TACR3: variants seen among roughly 807,000 people sequenced by gnomAD.
TACR3 encodes tachykinin receptor 3, also known as neuromedin-K receptor.
Under a neutral mutation model 35.0 loss-of-function variants are expected in TACR3, and 34 were observed. The ratio of observed to expected loss-of-function variants is 0.97; its 90% CI spans 0.74 to 1.30. TACR3 has a LOEUF of 1.30. Among genes scored for constraint, TACR3 ranks in the 50% most tolerant of loss-of-function variants. The pLI is 0.00. For missense variants in TACR3, 558 were observed against 591.7 expected (o/e 0.94, Z 0.59); for synonymous variants, 233 against 221.1 (o/e 1.05, Z -0.48).
At chr4:103,662,586 G>A (rs1315943803) in intron 1 of TACR3, among the ~76,000 whole-genome samples, 1 of 152,088 alleles carries the variant, frequency 6.6e-6, no homozygotes, top group African/African-American at 2.4e-5. Flanking sequence ...CCAACACCCA[G>A]TATCACAGAC....
At chr4:103,617,749 A>C (rs114779046) in intron 3 of TACR3, among the ~76,000 whole-genome samples, 103 of 152,310 alleles carry the variant, frequency 6.8e-4, no homozygotes, top group Non-Finnish European at 1.3e-3. Flanking sequence ...AAAAACAAGC[A>C]AGAAAATGTA....
At chr4:103,694,066 T>G (rs1272949850) in intron 1 of TACR3, among the ~76,000 whole-genome samples, 2 of 152,136 alleles carry the variant, frequency 1.3e-5, no homozygotes, top group Non-Finnish European at 2.9e-5. Flanking sequence ...ATTAAAAATT[T>G]TTTTCTTTCT....
At chr4:103,656,077 T>A (rs1474056575) in intron 3 of TACR3, 117 bp downstream of exon 3, 9 of 1,309,602 alleles carry the variant, frequency 6.9e-6, no homozygotes, top group Non-Finnish European at 8.6e-6. Flanking sequence ...AACAAAGACA[T>A]TAAAAACAGG....
intron 3 of TACR3, among the ~76,000 whole-genome samples, chr4:103,622,330 C>T (rs1005232048): frequency 1.3e-5 from 2 of 152,152 alleles, no homozygotes; most frequent in African/African-American, 4.8e-5. Context: ...TAAAATAGGT[C>T]ATGGTTCAGA....
intron 3 of TACR3, among the ~76,000 whole-genome samples, chr4:103,616,755 T>C (rs1724670035): frequency 6.6e-6 from 1 of 152,120 alleles, no homozygotes; most frequent in South Asian, 2.1e-4. Flanking sequence ...GAGACCAGCC[T>C]GAGCAACATA....
intron 1 of TACR3, among the ~76,000 whole-genome samples, chr4:103,709,792 A>C (rs1375642364): frequency 6.6e-6 from 1 of 152,126 alleles, no homozygotes; most frequent in Non-Finnish European, 1.5e-5. Context: ...CATAGGCTCA[A>C]AATAAAGGGA....
At chr4:103,679,289 G>T (rs1726238156) in intron 1 of TACR3, among the ~76,000 whole-genome samples, 1 of 151,978 alleles carries the variant, frequency 6.6e-6, no homozygotes, top group Admixed American at 6.6e-5. Flanking sequence ...TTTCTGAGTA[G>T]AACTGTGTGT....
At chr4:103,635,068 G>A (rs928013056) in intron 3 of TACR3, among the ~76,000 whole-genome samples, 1 of 151,880 alleles carries the variant, frequency 6.6e-6, no homozygotes, top group Non-Finnish European at 1.5e-5. Context: ...GATGTGCTGG[G>A]TCTGCGCATA....
intron 3 of TACR3, among the ~76,000 whole-genome samples, chr4:103,615,131 C>T (rs1385264874): frequency 6.6e-6 from 1 of 151,638 alleles, no homozygotes; most frequent in Non-Finnish European, 1.5e-5. Context: ...CTCCTGACCT[C>T]GTGATCCGCC....
intron 1 of TACR3, among the ~76,000 whole-genome samples, chr4:103,662,421 T>C (rs1725852558): frequency 6.6e-6 from 1 of 151,986 alleles, no homozygotes; most frequent in Non-Finnish European, 1.5e-5. Flanking sequence ...GGGTTTCCCA[T>C]ATTGGTTAGG....
At chr4:103,698,242 A>G (rs1261030946) in intron 1 of TACR3, among the ~76,000 whole-genome samples, 2 of 152,164 alleles carry the variant, frequency 1.3e-5, no homozygotes, top group Non-Finnish European at 2.9e-5. Context: ...TTTTGAAGGT[A>G]TAAAAGTCAA....
chr4:103,714,617 C>A (rs566574744), intron 1 of TACR3, among the ~76,000 whole-genome samples: 1 of 151,930 alleles, frequency 6.6e-6, no homozygotes, highest in Non-Finnish European at 1.5e-5. Flanking sequence ...TCATCATTTG[C>A]GGTAACTAGT....
At chr4:103,595,634 G>C (rs1723989172) in intron 3 of TACR3, among the ~76,000 whole-genome samples, 2 of 151,770 alleles carry the variant, frequency 1.3e-5, no homozygotes, top group Admixed American at 1.3e-4. Flanking sequence ...TTTGAGGTTT[G>C]GGTTGTAAAA....
intron 3 of TACR3, among the ~76,000 whole-genome samples, chr4:103,654,365 C>T (rs2110328498): frequency 6.6e-6 from 1 of 151,126 alleles, no homozygotes; most frequent in East Asian, 2.0e-4. Context: ...TACTATGCAG[C>T]CATAAAAAAT....
chr4:103,691,786 T>C (rs1722409528), intron 1 of TACR3, among the ~76,000 whole-genome samples: 1 of 152,246 alleles, frequency 6.6e-6, no homozygotes, highest in Admixed American at 6.5e-5. Context: ...GCATGAGCGA[T>C]CTGTGCCTTA....
At chr4:103,691,921 T>C (rs1014569700) in intron 1 of TACR3, among the ~76,000 whole-genome samples, 1 of 152,192 alleles carries the variant, frequency 6.6e-6, no homozygotes, top group Non-Finnish European at 1.5e-5. Flanking sequence ...AATGACTGGC[T>C]TGCTGTTAAT....
At chr4:103,628,396 T>A (rs545459833) in intron 3 of TACR3, among the ~76,000 whole-genome samples, 116 of 151,898 alleles carry the variant, frequency 7.6e-4, no homozygotes, top group African/African-American at 2.7e-3. Context: ...GATGATAGAC[T>A]GCTAGCAAGA....
intron 1 of TACR3, among the ~76,000 whole-genome samples, chr4:103,701,464 G>C (rs1722647184): frequency 6.6e-6 from 1 of 151,982 alleles, no homozygotes; most frequent in African/African-American, 2.4e-5. Flanking sequence ...TGTGAAAATG[G>C]CCATACTGCC....
intron 3 of TACR3, among the ~76,000 whole-genome samples, chr4:103,633,151 T>A (rs1725105338): frequency 6.6e-6 from 1 of 152,106 alleles, no homozygotes; most frequent in African/African-American, 2.4e-5. Context: ...ACACACCCTC[T>A]AAGCCTTAGT....
Sources: gnomAD v4.1 joint callset for allele counts (sites outside exome capture counted in the v4.1 genomes callset) on GRCh38, gnomAD v4.1.1 for gene constraint, MANE v1.5 for transcripts, NCBI Gene and HGNC (gene_info 2026-07-23, HGNC 2026-07-21) for gene names.